The following CKLF variants were observed in gnomAD, a reference collection of about 807,000 sequenced individuals.
CKLF encodes the protein chemokine-like factor.
CKLF carries 16 observed loss-of-function variants against 12.9 expected under a neutral mutation model. That is an observed-to-expected ratio of 1.24 (90% CI 0.84 to 1.88). The LOEUF (loss-of-function observed/expected upper bound fraction) is 1.88. CKLF is among the 40% of genes most tolerant of loss of function. CKLF has a pLI of 0.00. For missense variants in CKLF, 172 were observed against 188.5 expected, an observed-to-expected ratio of 0.91 and a Z score of 0.51; for synonymous variants, 61 against 69.0, an observed-to-expected ratio of 0.88 and a Z score of 0.57.
At chr16:66,560,689 GGA>G (rs1444310622) in intron 2 of CKLF, among the ~76,000 whole-genome samples, 1 of 151,974 alleles carries the variant, frequency 6.6e-6, no homozygotes, top group African/African-American at 2.4e-5. Context: ...TATGAGATGA[GGA>G]GTGGCCAGAA....
rs775560001 is a variant in CKLF at position 66,552,776 on chromosome 16, G to T, written c.61G>T (p.Val21Leu). 1.2e-6 allele frequency: 2 copies of T among 1,613,992 alleles called. No individual in the cohort carries two copies. Among genetic ancestry groups the T allele is most frequent in the Non-Finnish European group, 1.7e-6 (2 of 1,179,966 alleles). The change falls in exon 1 of 4, where the codon GTG becomes TTG. Residue 21 changes from valine to leucine, a missense_variant. Coordinates refer to ENST00000264001, the MANE Select transcript of CKLF (RefSeq NM_016951.4). ...RPFCFSVKGHVKMLRLALTVT... is the reference protein window; with the variant it reads ...RPFCFSVKGHLKMLRLALTVT... Reference sequence around the variant, plus strand: ...CTTCTGCTTCAGTGTGAAAGGCCACGTGAAGATGCTGCGGCTGGTGAGGCC... The same window carrying T: ...CTTCTGCTTCAGTGTGAAAGGCCACTTGAAGATGCTGCGGCTGGTGAGGCC...
intron 1 of CKLF, among the ~76,000 whole-genome samples, chr16:66,557,061 T>TC (rs1567549361): frequency 6.6e-6 from 1 of 152,236 alleles, no homozygotes; most frequent in East Asian, 1.9e-4. Flanking sequence ...TGTTTTTTTT[T>TC]CCACTTAAAA....
At chr16:66,552,841 G>C (rs375749120) in intron 1 of CKLF, 48 bp downstream of exon 1, 1 of 1,613,372 alleles carries the variant, frequency 6.2e-7, no homozygotes, top group Non-Finnish European at 8.5e-7. Context: ...CTGCTGGGGG[G>C]CGGGAGATGT....
At chr16:66,554,268 A>T (rs980466101) in intron 1 of CKLF, among the ~76,000 whole-genome samples, 1 of 152,248 alleles carries the variant, frequency 6.6e-6, no homozygotes, top group Non-Finnish European at 1.5e-5. Context: ...TAGTTAAGAT[A>T]TGTGATAAGA....
intron 3 of CKLF, chr16:66,565,497 GAGTT>G: frequency 5.4e-6 from 1 of 184,576 alleles, no homozygotes; most frequent in Non-Finnish European, 1.2e-5. Flanking sequence ...TTCTTCTGTA[GAGTT>G]TGTCAGTAGA....
rs192063548 is a variant in CKLF, at chr16:66,564,544, C to T, written c.333+1327C>T. On this transcript the variant is annotated intron_variant, in intron 3 of 3. Coordinates refer to ENST00000264001, the MANE Select transcript of CKLF (RefSeq NM_016951.4). ...GGAGTGCAGTGGTGCTATCTCAGCTCACTGCAAGCTCTGCCTCCCGGGTTC... is the reference window on the plus strand; with the variant it reads ...GGAGTGCAGTGGTGCTATCTCAGCTTACTGCAAGCTCTGCCTCCCGGGTTC... 2.0e-3 allele frequency among the ~76,000 whole-genome samples: 306 copies of T among 151,286 alleles called. 2 individuals carry two copies. The highest frequency in any genetic ancestry group is 3.6e-3 in the Non-Finnish European group (243 of 67,896).
upstream of CKLF, chr16:66,552,568 C>A: frequency 7.7e-7 from 1 of 1,295,760 alleles, no homozygotes. Context: ...TGCGCATGCG[C>A]GCAAGAGAGC....
intron 1 of CKLF, among the ~76,000 whole-genome samples, chr16:66,553,138 C>T (rs537766646): frequency 6.6e-6 from 1 of 151,778 alleles, no homozygotes; most frequent in African/African-American, 2.4e-5. Context: ...CAAGCCTAGG[C>T]GACAGAGAGG....
At chr16:66,566,272 C>G (rs969616734), downstream of CKLF, 44 of 1,449,636 alleles carry the variant, frequency 3.0e-5, 2 homozygotes, top group Non-Finnish European at 3.6e-6. This position sits in a 1 kb window ranked among gnomAD's most constrained non-coding sequence, Gnocchi z 4.9. Flanking sequence ...TACTGCCTGG[C>G]TGGCCGGCAG....
intron 1 of CKLF, 126 bp from the exon 2 acceptor site, chr16:66,558,064 T>A: frequency 7.0e-7 from 1 of 1,422,734 alleles, no homozygotes; most frequent in Non-Finnish European, 9.5e-7. Flanking sequence ...TACCTCAGCC[T>A]CCCAAAATGC....
chr16:66,556,320 AAAAAG>A, intron 1 of CKLF, among the ~76,000 whole-genome samples: 1 of 152,352 alleles, frequency 6.6e-6, no homozygotes, highest in East Asian at 1.9e-4. Context: ...AGTACTGGAA[AAAAAG>A]AAAAAAGCAT....
At chr16:66,562,957 A>G (rs1597134103) in intron 2 of CKLF, 165 bp from the exon 3 acceptor site, 25 of 749,976 alleles carry the variant, frequency 3.3e-5, no homozygotes, top group East Asian at 8.5e-5. Flanking sequence ...CCAGGCTTCA[A>G]GTGATCTGTC....
At chr16:66,554,072 A>G (rs529458017) in intron 1 of CKLF, among the ~76,000 whole-genome samples, 2 of 152,232 alleles carry the variant, frequency 1.3e-5, no homozygotes, top group Non-Finnish European at 2.9e-5. Context: ...TGAAGGGGGA[A>G]CCATGTGAGA....
intron 2 of CKLF, among the ~76,000 whole-genome samples, chr16:66,560,149 G>C (rs2011613873): frequency 6.6e-6 from 1 of 152,176 alleles, no homozygotes; most frequent in South Asian, 2.1e-4. Flanking sequence ...ATACAGGGAA[G>C]GGAAAGTGCT....
intron 2 of CKLF, among the ~76,000 whole-genome samples, chr16:66,561,003 G>C (rs2011679290): frequency 6.6e-6 from 1 of 152,118 alleles, no homozygotes; most frequent in African/African-American, 2.4e-5. Flanking sequence ...GTAATGAATA[G>C]AGTGAGGTCC....
At chr16:66,563,256 A>G in intron 3 of CKLF, 39 bp downstream of exon 3, 1 of 1,603,808 alleles carries the variant, frequency 6.2e-7, no homozygotes, top group Non-Finnish European at 8.5e-7. Context: ...TTCAGGTTTT[A>G]TCAGAATGCA....
chr16:66,554,824 T>C (rs546857408), intron 1 of CKLF, among the ~76,000 whole-genome samples: 6 of 152,338 alleles, frequency 3.9e-5, no homozygotes, highest in African/African-American at 1.2e-4. Flanking sequence ...AGTGGCCTTA[T>C]GGCAGGAATG....
At chr16:66,552,875 G>A (rs1965860844) in intron 1 of CKLF, 82 bp downstream of exon 1, 3 of 1,596,462 alleles carry the variant, frequency 1.9e-6, no homozygotes, top group South Asian at 1.1e-5. Flanking sequence ...AAAGCTGAAC[G>A]CCTGTTTGCT....
intron 1 of CKLF, among the ~76,000 whole-genome samples, chr16:66,554,206 C>A (rs539605905): frequency 8.5e-5 from 13 of 152,304 alleles, no homozygotes; most frequent in Admixed American, 2.0e-4. Context: ...GGACAAAAAT[C>A]CCTGACTCAT....
Sources: allele counts gnomAD v4.1 joint callset (sites outside exome capture counted in the v4.1 genomes callset), GRCh38; gene constraint gnomAD v4.1.1; non-coding constraint Gnocchi (gnomAD v3.1); transcripts MANE v1.5; gene names NCBI Gene and HGNC (gene_info 2026-07-23, HGNC 2026-07-21).